PRMT3: variants seen among roughly 807,000 people sequenced by gnomAD.
PRMT3 encodes the protein protein arginine N-methyltransferase 3.
In PRMT3, 62 loss-of-function variants were observed where a neutral mutation model predicts 71.9. That is an observed-to-expected ratio of 0.86 (90% CI 0.70 to 1.07). PRMT3 has a LOEUF of 1.07. Among genes scored for constraint, PRMT3 ranks in the 50% least tolerant of loss-of-function variants. The pLI, the probability that PRMT3 is intolerant of heterozygous loss-of-function variation, is 0.00. For synonymous variants in PRMT3, 213 were observed against 220.4 expected, an observed-to-expected ratio of 0.97 and a Z score of 0.30; for missense variants, 663 against 643.0, an observed-to-expected ratio of 1.03 and a Z score of -0.34.
chr11:20,402,946 G>A lies in PRMT3; in HGVS notation c.733G>A (p.Asp245Asn). The A allele has an allele frequency of 8.1e-6, 13 of 1,609,050 alleles. No individual in the cohort carries two copies. Among genetic ancestry groups the A allele is most frequent in the Non-Finnish European group, 1.1e-5 (13 of 1,175,570 alleles). ...CAAAATACGAACAGAAAGCTACCGA[G>A]ATTTCATATACCAAAATCCACATAT... ...KDKIRTESYR[D>N]FIYQNPHIFK... Residue 245 changes from aspartate (D) to asparagine (N), a missense_variant, in exon 8 of 16, where the codon GAT becomes AAT. By Grantham distance (23) the Asp-to-Asn change is conservative. Transcript: ENST00000331079.
intron 12 of PRMT3, 104 bp from the exon 13 acceptor site, chr11:20,464,356 A>G (rs1850455558): frequency 7.1e-7 from 1 of 1,412,928 alleles, no homozygotes; most frequent in African/African-American, 1.5e-5. Context: ...TCATTTGTGC[A>G]TAAAAGAAGT....
chr11:20,470,380 C>T (rs73449300), intron 13 of PRMT3, among the ~76,000 whole-genome samples: 5,755 of 152,204 alleles, frequency 0.038, 326 homozygotes, highest in African/African-American at 0.13. Flanking sequence ...AGCTGTTCTT[C>T]CCTCAACCTC....
chr11:20,428,675 C>T (rs969478631), intron 10 of PRMT3, among the ~76,000 whole-genome samples: 4 of 152,180 alleles, frequency 2.6e-5, no homozygotes, highest in Non-Finnish European at 5.9e-5. Context: ...CTGCTTTCTT[C>T]TGTACCAAGG....
intron 9 of PRMT3, among the ~76,000 whole-genome samples, chr11:20,408,744 T>C (rs970771471): frequency 6.6e-6 from 1 of 152,164 alleles, no homozygotes; most frequent in African/African-American, 2.4e-5. Flanking sequence ...ATAGGAGGCT[T>C]CTCATAGCAA....
At chr11:20,439,678 G>A (rs1484753947) in intron 10 of PRMT3, among the ~76,000 whole-genome samples, 1 of 152,158 alleles carries the variant, frequency 6.6e-6, no homozygotes, top group African/African-American at 2.4e-5. Context: ...TACCATGTTT[G>A]AAGTTTGGAA....
At position 20,508,555 on chromosome 11, in the gene PRMT3, A is replaced by T; in HGVS notation, c.*142A>T. The T allele has an allele frequency of 1.4e-6, 1 of 712,626 alleles. No homozygotes were observed. The allele number at this position is 712,626 out of a possible 1,614,324, so 44.1% of individuals were successfully genotyped here. On this transcript the variant is annotated 3_prime_UTR_variant, in exon 16 of 16. Coordinates refer to ENST00000331079, the MANE Select transcript of PRMT3 (RefSeq NM_005788.4). ...CCTCCTCAATAAGAGAGAAGTTCTC[A>T]TTGTGGGAATCTGACATAGTTCAGC...
At chr11:20,426,742 A>AATCT in intron 9 of PRMT3, 24 bp from the exon 10 acceptor site, 1 of 1,438,626 alleles carries the variant, frequency 7.0e-7, no homozygotes, top group South Asian at 1.6e-5. Flanking sequence ...TTAACCTACT[A>AATCT]ATCTAATTCA....
intron 12 of PRMT3, among the ~76,000 whole-genome samples, chr11:20,462,381 A>C (rs1377341938): frequency 6.6e-6 from 1 of 152,150 alleles, no homozygotes; most frequent in Non-Finnish European, 1.5e-5. Context: ...CCTTACACTC[A>C]GTTTTACAGT....
chr11:20,421,984 CAGA>C (rs1849436160), intron 9 of PRMT3, among the ~76,000 whole-genome samples: 1 of 152,224 alleles, frequency 6.6e-6, no homozygotes, highest in Non-Finnish European at 1.5e-5. Flanking sequence ...CCTACTCCTT[CAGA>C]AGGACTGTTT....
chr11:20,394,766 ACT>A (rs1848789381), intron 5 of PRMT3, among the ~76,000 whole-genome samples: 1 of 150,932 alleles, frequency 6.6e-6, no homozygotes, highest in African/African-American at 2.4e-5. Context: ...CCACCATTCC[ACT>A]CTCTGCTGCT....
intron 15 of PRMT3, among the ~76,000 whole-genome samples, chr11:20,503,107 C>T (rs1851497327): frequency 6.6e-6 from 1 of 152,074 alleles, no homozygotes; most frequent in Non-Finnish European, 1.5e-5. Flanking sequence ...AAAGACACTG[C>T]TTTAATTTGC....
In PRMT3 at chr11:20,392,946, A is replaced by T; in HGVS notation, c.347A>T (p.Glu116Val). 3 of 1,607,350 alleles carry T rather than the reference A, an allele frequency of 1.9e-6. No individual in the cohort carries two copies. The highest frequency in any genetic ancestry group is 2.6e-6 in the Non-Finnish European group (3 of 1,173,908). Residue 116 changes from glutamate (E) to valine (V), a missense_variant, in exon 5 of 16, where the codon GAG (glutamate) becomes GTG (valine). By Grantham distance (121) the Glu-to-Val change is moderately radical. Coordinates refer to ENST00000331079, the MANE Select transcript of PRMT3 (RefSeq NM_005788.4). ...MNSIYNPVPWEKEEYLKPVLE... is the reference protein window; with the variant it reads ...MNSIYNPVPWVKEEYLKPVLE... ...TCCATATACAACCCAGTGCCTTGGG[A>T]GAAAGAAGAGTATTTGAAGCCAGTA... is the stretch of plus-strand genomic sequence containing the variant.
chr11:20,475,925 C>T (rs1850771576), intron 13 of PRMT3, among the ~76,000 whole-genome samples: 1 of 151,924 alleles, frequency 6.6e-6, no homozygotes, highest in South Asian at 2.1e-4. Context: ...ATCTGCCCAC[C>T]TCAGCCTCCC....
In PRMT3 at chr11:20,388,161, C is replaced by T. The variant is rs530867962; in HGVS notation, c.164+7C>T. The T allele has an allele frequency of 2.5e-6, 4 of 1,613,738 alleles. No individual in the cohort carries two copies. The highest frequency in any genetic ancestry group is 3.4e-6 in the Non-Finnish European group (4 of 1,179,992). ...CCTGCCTGTTCTGTAACAGGTTCGT[C>T]CGCCTCAGCGCCTGGCCTCTGCCCT... On this transcript the variant is annotated splice_region_variant and intron_variant, in intron 2 of 15. Coordinates refer to ENST00000331079, the MANE Select transcript of PRMT3 (RefSeq NM_005788.4).
intron 12 of PRMT3, 21 bp downstream of exon 12, chr11:20,462,188 A>G: frequency 6.6e-7 from 1 of 1,523,084 alleles, no homozygotes; most frequent in Middle Eastern, 1.8e-4. Context: ...TACCAACTTT[A>G]TTTTTTATAA....
intron 15 of PRMT3, among the ~76,000 whole-genome samples, chr11:20,496,115 A>G (rs1170838876): frequency 1.3e-5 from 2 of 152,210 alleles, no homozygotes; most frequent in Non-Finnish European, 2.9e-5. Context: ...ACATATGTAA[A>G]AATCTTTATA....
At chr11:20,441,590 A>C (rs4101170) in intron 10 of PRMT3, among the ~76,000 whole-genome samples, 37,874 of 151,612 alleles carry the variant, frequency 0.25, 4,903 homozygotes, top group South Asian at 0.37. Context: ...TACAGGCTTG[A>C]GCCACCGCGC....
Position 20,388,141 on chromosome 11 carries a change from C to G in PRMT3, c.151C>G (p.Leu51Val), listed in dbSNP as rs984401807. 1 of 1,613,974 alleles carries G rather than the reference C, an allele frequency of 6.2e-7. No homozygotes were observed. The highest frequency in any genetic ancestry group is 1.7e-5 in the Admixed American group (1 of 60,028). ...CCACGGCAAGCAGCAGACCCCCTGC[C>G]TGTTCTGTAACAGGTTCGTCCGCCT... Reference protein sequence around the residue: ...LPHGKQQTPCLFCNRLFTSAE... With the variant: ...LPHGKQQTPCVFCNRLFTSAE... The change falls in exon 2 of 16, where the codon CTG becomes GTG. Residue 51 changes from leucine (L) to valine (V), a missense_variant. Leu to Val is a conservative substitution (Grantham distance 32). Transcript: ENST00000331079.
At chr11:20,428,193 A>C (rs914673420) in intron 10 of PRMT3, among the ~76,000 whole-genome samples, 4 of 152,224 alleles carry the variant, frequency 2.6e-5, no homozygotes, top group Admixed American at 2.0e-4. Flanking sequence ...ATGAATTGAA[A>C]GAGTAGATAT....
Sources: allele counts gnomAD v4.1 joint callset (sites outside exome capture counted in the v4.1 genomes callset), GRCh38; gene constraint gnomAD v4.1.1; transcripts MANE v1.5; gene names NCBI Gene and HGNC (gene_info 2026-07-23, HGNC 2026-07-21).